MYO16: variants seen among roughly 807,000 people sequenced by gnomAD.
MYO16 encodes myosin XVI, also known as unconventional myosin-XVI.
Under a neutral mutation model 205.3 loss-of-function variants are expected in MYO16, and 94 were observed. That is an observed-to-expected ratio of 0.46 (90% CI 0.39 to 0.54). MYO16 has a LOEUF of 0.54. Among genes scored for constraint, MYO16 ranks in the 20% least tolerant of loss-of-function variants. MYO16 has a pLI of 0.00. For synonymous variants in MYO16, 988 were observed against 954.0 expected, an observed-to-expected ratio of 1.04 and a Z score of -0.66; for missense variants, 2,315 against 2,387.5, an observed-to-expected ratio of 0.97 and a Z score of 0.63.
intron 24 of MYO16, 63 bp from the exon 25 acceptor site, chr13:109,052,237 T>C (rs1343071737): frequency 2.8e-6 from 4 of 1,423,858 alleles, no homozygotes; most frequent in Non-Finnish European, 3.9e-6. Flanking sequence ...GTATGAAGAA[T>C]AAGTTCAATG....
In MYO16 at chr13:108,972,368, A is replaced by C. The variant is rs1177420908; in HGVS notation, c.2369+7466A>C. ...TATATAGCCATATATATATATATAT[A>C]TATATATATATATATATATATATAT... On this transcript the variant is annotated intron_variant, in intron 20 of 34. Coordinates refer to ENST00000457511, the MANE Select transcript of MYO16 (RefSeq NM_001198950.3). Among the ~76,000 whole-genome samples, 107 of 38,620 alleles carry C rather than the reference A, an allele frequency of 2.8e-3. 12 individuals carry two copies. Among genetic ancestry groups the C allele is most frequent in the African/African-American group, 8.8e-3 (61 of 6,952 alleles). The allele number at this position is 38,620 out of a possible 152,430, so 25.3% of individuals were successfully genotyped here. A position where few individuals can be genotyped will look rare whatever the true frequency, so the allele number is the denominator to read the frequency against.
chr13:108,905,713 G>A (rs1454602309), intron 15 of MYO16, among the ~76,000 whole-genome samples: 10 of 152,136 alleles, frequency 6.6e-5, no homozygotes, highest in Non-Finnish European at 8.8e-5. Context: ...TGTGGGTTAG[G>A]GGATGGTTTC....
At chr13:108,899,425 A>G (rs975375318) in intron 15 of MYO16, among the ~76,000 whole-genome samples, 2 of 149,684 alleles carry the variant, frequency 1.3e-5, no homozygotes, top group Non-Finnish European at 3.0e-5. Context: ...CTCCATCTCA[A>G]AAAAAAAAAA....
intron 21 of MYO16, among the ~76,000 whole-genome samples, chr13:108,996,773 A>G (rs1329511869): frequency 6.6e-6 from 1 of 152,202 alleles, no homozygotes. Flanking sequence ...AATCAATGAG[A>G]AAAATTTAAG....
chr13:108,888,237 CTCATT>C lies in MYO16; in HGVS notation c.1554-132_1554-128del, dbSNP rs1362711741. Reference sequence around the variant, plus strand: ...TTGCAAGTAGATGTGCCATTCCCTCCTCATTTCTGTGTCTGAGAAATATCTCCAGT... The same window carrying C: ...TTGCAAGTAGATGTGCCATTCCCTCCTCTGTGTCTGAGAAATATCTCCAGT... On this transcript the variant is annotated intron_variant, in intron 13 of 34. Coordinates refer to ENST00000457511, the MANE Select transcript of MYO16 (RefSeq NM_001198950.3). 1.5e-4 allele frequency: 88 copies of C among 585,164 alleles called. No individual in the cohort carries two copies. The East Asian group carries it at 2.6e-3, about 17-fold the overall frequency. The allele number at this position is 585,164 out of a possible 1,614,324, so 36.2% of individuals were successfully genotyped here.
chr13:109,028,611 T>A (rs1886441432), intron 23 of MYO16, among the ~76,000 whole-genome samples: 1 of 151,372 alleles, frequency 6.6e-6, no homozygotes, highest in Non-Finnish European at 1.5e-5. Flanking sequence ...TATATACATA[T>A]TTTGAGTTGT....
chr13:108,580,276 G>A, the MYO16 span, among the ~76,000 whole-genome samples: 5 of 152,124 alleles, frequency 3.3e-5, no homozygotes, highest in African/African-American at 1.2e-4. Context: ...CCATAATGCA[G>A]ACCTTGAGAT....
chr13:109,110,384 G>A (rs1470945250), intron 28 of MYO16, among the ~76,000 whole-genome samples: 3 of 152,166 alleles, frequency 2.0e-5, no homozygotes, highest in Admixed American at 6.5e-5. Context: ...GCTCAAAATA[G>A]TAACTTTTAT....
chr13:108,919,728 T>C (rs1322309027), intron 16 of MYO16, among the ~76,000 whole-genome samples: 1 of 152,174 alleles, frequency 6.6e-6, no homozygotes, highest in Non-Finnish European at 1.5e-5. Flanking sequence ...TATGAGTAAA[T>C]AAAATTATGA....
the MYO16 span, among the ~76,000 whole-genome samples, chr13:108,554,364 A>G: frequency 6.6e-6 from 1 of 152,106 alleles, no homozygotes; most frequent in Admixed American, 6.5e-5. Flanking sequence ...CCTGTTTGAG[A>G]GTGTTCATAC....
the MYO16 span, among the ~76,000 whole-genome samples, chr13:108,579,429 C>T: frequency 1.4e-5 from 2 of 143,834 alleles, no homozygotes; most frequent in Non-Finnish European, 3.0e-5. Context: ...TCTATAAATG[C>T]TAAAGGCAAG....
At chr13:108,915,864 A>C (rs1406630474) in intron 16 of MYO16, among the ~76,000 whole-genome samples, 1 of 152,164 alleles carries the variant, frequency 6.6e-6, no homozygotes, top group Non-Finnish European at 1.5e-5. Flanking sequence ...CCATGTGGCC[A>C]TGAAAGGAAA....
chr13:108,813,895 C>T (rs1231923047), intron 7 of MYO16, among the ~76,000 whole-genome samples: 1 of 152,036 alleles, frequency 6.6e-6, no homozygotes, highest in Non-Finnish European at 1.5e-5. Flanking sequence ...TGGAATTAGC[C>T]CTGGCCTGCT....
rs763884640 is a variant in MYO16, at chr13:109,207,000, GTGTGTT to G, written c.*170_*175del. The G allele has an allele frequency of 0.064, 23,674 of 371,254 alleles. 380 individuals carry two copies. Among genetic ancestry groups the G allele is most frequent in the South Asian group, 0.09 (2,820 of 31,260 alleles). The allele number at this position is 371,254 out of a possible 1,614,324, so 23.0% of individuals were successfully genotyped here. A position where few individuals can be genotyped will look rare whatever the true frequency, so the allele number is the denominator to read the frequency against. On this transcript the variant is annotated 3_prime_UTR_variant, in exon 35 of 35. Coordinates refer to ENST00000457511, the MANE Select transcript of MYO16 (RefSeq NM_001198950.3). ...TATATGAGATCCCGTGTGTGTGTGT[GTGTGTT>G]TGTGTGTGTGTGTGTGGGTTCTTTC...
chr13:108,628,908 T>A (rs1165325848), upstream of MYO16, among the ~76,000 whole-genome samples: 2 of 152,224 alleles, frequency 1.3e-5, no homozygotes, highest in Non-Finnish European at 2.9e-5. Context: ...ATGTATCACT[T>A]TGAATTTGTA....
intron 1 of MYO16, among the ~76,000 whole-genome samples, chr13:108,658,216 T>C (rs1267723525): frequency 1.3e-5 from 2 of 152,140 alleles, no homozygotes; most frequent in East Asian, 1.9e-4. Context: ...TTATTTCTGG[T>C]CTATAGATTT....
At chr13:108,780,846 A>G (rs1361310815) in intron 4 of MYO16, among the ~76,000 whole-genome samples, 7 of 152,116 alleles carry the variant, frequency 4.6e-5, no homozygotes, top group Non-Finnish European at 5.9e-5. Context: ...ATACCAGGTA[A>G]TAAGGCCGGC....
intron 33 of MYO16, among the ~76,000 whole-genome samples, chr13:109,174,147 G>A (rs1455681695): frequency 6.6e-6 from 1 of 152,192 alleles, no homozygotes; most frequent in South Asian, 2.1e-4. Context: ...TGTCAAGAAC[G>A]ACTCCAAGAA....
At chr13:109,131,462 A>T (rs1022386114) in intron 31 of MYO16, among the ~76,000 whole-genome samples, 8 of 152,210 alleles carry the variant, frequency 5.3e-5, no homozygotes, top group Non-Finnish European at 1.2e-4. Context: ...CAAAAGCGTG[A>T]AACAATTTTG....
Sources: gnomAD v4.1 joint callset for allele counts (sites outside exome capture counted in the v4.1 genomes callset) on GRCh38, gnomAD v4.1.1 for gene constraint, MANE v1.5 for transcripts, NCBI Gene and HGNC (gene_info 2026-07-23, HGNC 2026-07-21) for gene names.